The following AHR variants were observed in gnomAD, a reference collection of about 807,000 sequenced individuals.
The protein encoded by AHR is aryl hydrocarbon receptor.
In AHR, 40 loss-of-function variants were observed where a neutral mutation model predicts 86.8. The ratio of observed to expected loss-of-function variants is 0.46; its 90% CI spans 0.36 to 0.60. The LOEUF (loss-of-function observed/expected upper bound fraction) is 0.60, where lower values mean the gene tolerates loss of function less well. AHR is among the 20% of genes least tolerant of loss of function. The probability of loss-of-function intolerance (pLI) is 0.00; values close to 1 mark genes in which losing one functional copy is unlikely to be tolerated. For synonymous variants in AHR, 398 were observed against 354.9 expected, an observed-to-expected ratio of 1.12 and a Z score of -1.37; for missense variants, 1,001 against 1,011.6, an observed-to-expected ratio of 0.99 and a Z score of 0.14.
chr7:17,330,768 T>C lies in AHR; in HGVS notation c.587T>C (p.Leu196Pro). ...TTTATTTCTACAGAAGCCACTGGTC[T>C]CCCCCAGACAGTAGTCTGTTATAAC... ...SGQGIEEATG[L>P]PQTVVCYNPD... is the part of the protein sequence containing the mutation. Residue 196 changes from leucine to proline, a missense_variant, in exon 6 of 11, where the codon CTC becomes CCC. Physicochemically the swap from Leu to Pro is moderately conservative, Grantham distance 98. Around this residue, in one of 2 missense-constraint regions of AHR, gnomAD observed 394 missense variants for 468.5 expected, o/e 0.84. Coordinates refer to ENST00000242057, the MANE Select transcript of AHR (RefSeq NM_001621.5). 1 of 1,579,198 alleles carries C rather than the reference T, an allele frequency of 6.3e-7. No homozygotes were observed. The highest frequency in any genetic ancestry group is 8.6e-7 in the Non-Finnish European group (1 of 1,162,010).
chr7:17,311,558 C>T (rs1256801509), intron 2 of AHR, among the ~76,000 whole-genome samples: 2 of 152,166 alleles, frequency 1.3e-5, no homozygotes, highest in African/African-American at 4.8e-5. Flanking sequence ...CTTGCTTGCT[C>T]TCCCGTCTTT....
chr7:17,325,588 G>C (rs1352365884), intron 3 of AHR, among the ~76,000 whole-genome samples: 2 of 152,124 alleles, frequency 1.3e-5, no homozygotes, highest in Non-Finnish European at 2.9e-5. Flanking sequence ...AGAATTGCCA[G>C]GTATTACATA....
chr7:17,331,882 C>A (rs1782299228), intron 6 of AHR, among the ~76,000 whole-genome samples: 2 of 151,924 alleles, frequency 1.3e-5, no homozygotes, highest in Admixed American at 6.6e-5. Context: ...ATAATCAAAT[C>A]TTAAATTAAC....
intron 6 of AHR, 107 bp downstream of exon 6, chr7:17,330,993 C>G: frequency 8.1e-7 from 1 of 1,227,432 alleles, no homozygotes; most frequent in Non-Finnish European, 1.1e-6. Flanking sequence ...ATTCCCAAAT[C>G]AGGCAACCCT....
rs1226350975 is a variant in AHR, at chr7:17,339,431, A to C, written c.1606A>C (p.Asn536His). Residue 536 changes from asparagine (N) to histidine (H), a missense_variant, in exon 10 of 11, where the codon AAC becomes CAC. Around this residue, in one of 2 missense-constraint regions of AHR, gnomAD observed 607 missense variants for 543.1 expected, o/e 1.12. Transcript: ENST00000242057. ...CCCAGGGCTCTTTCAAGATAGTAAA[A>C]ACAGTGACTTGTACAGCATAATGAA... Reference protein sequence around the residue: ...GHPGLFQDSKNSDLYSIMKNL... With the variant: ...GHPGLFQDSKHSDLYSIMKNL... 6.2e-7 allele frequency: 1 copy of C among 1,614,066 alleles called. No individual in the cohort carries two copies. The highest frequency in any genetic ancestry group is 1.3e-5 in the African/African-American group (1 of 74,908).
intron 9 of AHR, among the ~76,000 whole-genome samples, chr7:17,336,621 T>G (rs532246282): frequency 6.6e-6 from 1 of 152,310 alleles, no homozygotes; most frequent in South Asian, 2.1e-4. Flanking sequence ...TGTAGATCAT[T>G]TGGGGAGAAT....
rs1447331228 is a variant in AHR, at chr7:17,298,982, T to G, written c.-283T>G. On this transcript the variant is annotated 5_prime_UTR_variant, in exon 1 of 11. Coordinates refer to ENST00000242057, the MANE Select transcript of AHR (RefSeq NM_001621.5). ...CATTGCCGCGCCGCCTCCGCCGGTG[T>G]AGACGGCACCTGCGCCGCCTTGCTC... is the stretch of plus-strand genomic sequence containing the variant. 6.6e-6 allele frequency: 3 copies of G among 456,790 alleles called. No individual in the cohort carries two copies. The highest frequency in any genetic ancestry group is 1.1e-5 in the Non-Finnish European group (3 of 263,680). 28.3% of individuals were successfully genotyped at this position (456,790 alleles called of 1,614,324 possible).
At chr7:17,304,261 C>A (rs901594248) in intron 1 of AHR, among the ~76,000 whole-genome samples, 2 of 152,208 alleles carry the variant, frequency 1.3e-5, no homozygotes, top group African/African-American at 2.4e-5. Flanking sequence ...CTCACTTTAA[C>A]CTTTTTCACC....
intron 2 of AHR, among the ~76,000 whole-genome samples, chr7:17,321,452 A>G (rs1362976017): frequency 3.3e-5 from 5 of 151,926 alleles, no homozygotes; most frequent in Non-Finnish European, 7.4e-5. Context: ...TTTGAGCCCA[A>G]TTCTGTCAGT....
chr7:17,339,001 A>G lies in AHR; in HGVS notation c.1176A>G (p.Thr392=). Residue 392 remains threonine, a synonymous_variant, in exon 10 of 11, where the codon ACA becomes ACG. Coordinates refer to ENST00000242057, the MANE Select transcript of AHR (RefSeq NM_001621.5). The part of the protein sequence containing the change: ...TQRPLTDEEG[T]EHLRKRNTKL... Reference sequence around the variant, plus strand: ...ACAATTTTAGAGATGAGGAAGGAACAGAGCATTTACGAAAACGAAATACGA... The same window carrying G: ...ACAATTTTAGAGATGAGGAAGGAACGGAGCATTTACGAAAACGAAATACGA... The G allele has an allele frequency of 6.2e-7, 1 of 1,613,416 alleles. No homozygotes were observed. The highest frequency in any genetic ancestry group is 8.5e-7 in the Non-Finnish European group (1 of 1,179,504).
At chr7:17,333,676 T>A (rs1283707739) in intron 6 of AHR, among the ~76,000 whole-genome samples, 1 of 151,904 alleles carries the variant, frequency 6.6e-6, no homozygotes, top group Non-Finnish European at 1.5e-5. Context: ...TTATGACCAT[T>A]AGGAACAAGG....
At chr7:17,327,738 T>C in intron 3 of AHR, 21 bp from the exon 4 acceptor site, 1 of 1,437,076 alleles carries the variant, frequency 7.0e-7, no homozygotes. Context: ...TTACTAATTT[T>C]AGAACTTCCT....
At position 17,333,996 on chromosome 7, in the gene AHR, G is replaced by A; in HGVS notation, c.790G>A (p.Ala264Thr). The A allele has an allele frequency of 6.2e-7, 1 of 1,613,472 alleles. No homozygotes were observed. The change falls in exon 7 of 11, where the codon GCT becomes ACT. Residue 264 changes from alanine to threonine, a missense_variant. Coordinates refer to ENST00000242057, the MANE Select transcript of AHR (RefSeq NM_001621.5). ...TGGATCAATACTTCCACCTCAGTTG[G>A]CTTTGTTTGCGATAGCTACTCCACT... ...KDGSILPPQL[A>T]LFAIATPLQP...
At chr7:17,332,931 TTA>T (rs2115365707) in intron 6 of AHR, among the ~76,000 whole-genome samples, 1 of 152,130 alleles carries the variant, frequency 6.6e-6, no homozygotes, top group South Asian at 2.1e-4. Flanking sequence ...ATAAGTGCTC[TTA>T]TACAGGTATA....
Position 17,322,494 on chromosome 7 carries a change from TC to T in AHR, c.254-5del, listed in dbSNP as rs1782184473. On this transcript the variant is annotated splice_polypyrimidine_tract_variant and splice_region_variant and intron_variant, in intron 2 of 10. Transcript: ENST00000242057. ...TTAAAATCATTGTTTTTCCTTTTTT[TC>T]CATAGTTGCATTAAAATCCTCCCCT... is the stretch of plus-strand genomic sequence containing the variant. 6.3e-7 allele frequency: 1 copy of T among 1,582,290 alleles called. No homozygotes were observed. The highest frequency in any genetic ancestry group is 8.7e-7 in the Non-Finnish European group (1 of 1,153,600).
At chr7:17,300,711 T>C (rs1781946669) in intron 1 of AHR, among the ~76,000 whole-genome samples, 1 of 152,184 alleles carries the variant, frequency 6.6e-6, no homozygotes. Flanking sequence ...GTTTCTTATA[T>C]TAAAGTATGT....
intron 6 of AHR, among the ~76,000 whole-genome samples, chr7:17,333,639 G>C (rs1185219823): frequency 1.3e-5 from 2 of 151,904 alleles, no homozygotes; most frequent in African/African-American, 4.8e-5. Flanking sequence ...GTAATGGCAA[G>C]CTTGGAAAAT....
chr7:17,304,477 C>T lies in AHR; in HGVS notation c.65+5148C>T, dbSNP rs553947367. 3.3e-5 allele frequency among the ~76,000 whole-genome samples: 5 copies of T among 152,170 alleles called. No individual in the cohort carries two copies. In the East Asian group the frequency reaches 5.8e-4, roughly 18 times the overall value. ...GGGTTTAGCTGTCACTTAGGTTCAT[C>T]GGAGACAGAGTTTGTGTTTCTGGCT... On this transcript the variant is annotated intron_variant, in intron 1 of 10. Coordinates refer to ENST00000242057, the MANE Select transcript of AHR (RefSeq NM_001621.5).
In AHR at chr7:17,339,715, A is replaced by G; in HGVS notation, c.1890A>G (p.Val630=). Residue 630 remains valine, a synonymous_variant, in exon 10 of 11, where the codon GTA becomes GTG. Coordinates refer to ENST00000242057, the MANE Select transcript of AHR (RefSeq NM_001621.5). The part of the protein sequence containing the change: ...EQQQQHHQKQ[V]VVEPQQQLCQ... ...AACAGCAACATCACCAAAAGCAAGT[A>G]GTAGTGGAGCCACAGCAACAGCTGT... The G allele has an allele frequency of 1.4e-5, 22 of 1,614,218 alleles. No homozygotes were observed. Among genetic ancestry groups the G allele is most frequent in the Non-Finnish European group, 1.9e-5 (22 of 1,180,024 alleles).
Sources: allele counts gnomAD v4.1 joint callset (sites outside exome capture counted in the v4.1 genomes callset), GRCh38; gene constraint gnomAD v4.1.1; regional missense constraint gnomAD v4.1.1; transcripts MANE v1.5; gene names NCBI Gene and HGNC (gene_info 2026-07-23, HGNC 2026-07-21).